The following MRAP2 variants were observed in gnomAD, a reference collection of about 807,000 sequenced individuals.
MRAP2 encodes the protein melanocortin 2 receptor accessory protein 2.
In MRAP2, 20 loss-of-function variants were observed where a neutral mutation model predicts 17.4. The observed-to-expected ratio is 1.15, with a 90% CI of 0.81 to 1.67. The LOEUF is 1.67. Among genes scored for constraint, MRAP2 ranks in the 40% most tolerant of loss-of-function variants. The pLI, the probability that MRAP2 is intolerant of heterozygous loss-of-function variation, is 0.00. For missense variants in MRAP2, 238 were observed against 240.0 expected (o/e 0.99, Z 0.05); for synonymous variants, 96 against 88.4 (o/e 1.09, Z -0.48).
chr6:84,096,947 A>C, the MRAP2 span, among the ~76,000 whole-genome samples: 1 of 152,204 alleles, frequency 6.6e-6, no homozygotes, highest in Non-Finnish European at 1.5e-5. Flanking sequence ...TACAAACAAT[A>C]ACAGGTGACA....
the MRAP2 span, among the ~76,000 whole-genome samples, chr6:84,098,767 C>T: frequency 6.6e-6 from 1 of 152,032 alleles, no homozygotes; most frequent in African/African-American, 2.4e-5. Context: ...AGCAAAGTGC[C>T]TTTCAAGTCT....
the MRAP2 span, among the ~76,000 whole-genome samples, chr6:84,135,620 T>G: frequency 6.6e-6 from 1 of 152,138 alleles, no homozygotes; most frequent in African/African-American, 2.4e-5. Flanking sequence ...CCCAGCTCTT[T>G]GGGAGGCTGA....
the MRAP2 span, among the ~76,000 whole-genome samples, chr6:84,119,090 A>G: frequency 9.9e-5 from 15 of 152,104 alleles, no homozygotes; most frequent in African/African-American, 3.6e-4. Flanking sequence ...GTACTTTTGT[A>G]GTATATTTTG....
chr6:84,135,795 A>G, the MRAP2 span, among the ~76,000 whole-genome samples: 1 of 152,188 alleles, frequency 6.6e-6, no homozygotes, highest in African/African-American at 2.4e-5. Flanking sequence ...TGAGGGAGGC[A>G]GAGGTTGCTG....
Position 84,044,442 on chromosome 6 carries a change from C to T in MRAP2, c.-8+10559C>T, listed in dbSNP as rs2099488458. Among the ~76,000 whole-genome samples the T allele has an allele frequency of 3.3e-5, 5 of 152,374 alleles. No individual in the cohort carries two copies. In the South Asian group the frequency reaches 1.0e-3, roughly 32 times the overall value. On this transcript the variant is annotated intron_variant, in intron 1 of 3. Transcript: ENST00000257776. ...CCTCAGGTGATCCACCTGCTTTGGC[C>T]TCCCAAAGGAATTTATTTTCTCACA... is the stretch of plus-strand genomic sequence containing the variant.
chr6:84,098,850 T>C, the MRAP2 span, among the ~76,000 whole-genome samples: 13 of 152,300 alleles, frequency 8.5e-5, no homozygotes, highest in Admixed American at 7.8e-4. Context: ...TAAATATAAG[T>C]TATTTATCAG....
At chr6:84,128,077 G>T in the MRAP2 span, among the ~76,000 whole-genome samples, 4 of 152,142 alleles carry the variant, frequency 2.6e-5, no homozygotes, top group African/African-American at 9.6e-5. Flanking sequence ...TTTTGTCTTT[G>T]TTCACCTCAC....
chr6:84,083,363 A>G (rs2099499492), intron 3 of MRAP2, among the ~76,000 whole-genome samples: 2 of 152,216 alleles, frequency 1.3e-5, no homozygotes, highest in South Asian at 4.1e-4. Context: ...CCTTTTGATC[A>G]TTTTTATAGC....
At chr6:84,060,459 G>A (rs1369948298) in intron 2 of MRAP2, among the ~76,000 whole-genome samples, 2 of 152,150 alleles carry the variant, frequency 1.3e-5, no homozygotes, top group Non-Finnish European at 2.9e-5. Flanking sequence ...ACACAGATTT[G>A]AAAAATGTCA....
chr6:84,062,460 C>T, intron 2 of MRAP2: 2 of 862,540 alleles, frequency 2.3e-6, no homozygotes, highest in South Asian at 5.3e-5. Context: ...ATTTTGTTTT[C>T]CTTGCACAGT....
In MRAP2 at chr6:84,033,787, G is replaced by C. The variant is rs988566636; in HGVS notation, c.-104G>C. On this transcript the variant is annotated 5_prime_UTR_variant, in exon 1 of 4. Transcript: ENST00000257776. ...TCTAGGAGCTACTCGCCCGGCCCTG[G>C]GCGGTGGGAGGCGGCGGCGGCGGCG... 1.0e-6 allele frequency: 1 copy of C among 986,912 alleles called. No individual in the cohort carries two copies. The highest frequency in any genetic ancestry group is 6.2e-5 in the Admixed American group (1 of 16,222). The allele number at this position is 986,912 out of a possible 1,614,324, so 61.1% of individuals were successfully genotyped here.
chr6:84,080,300 T>C (rs2099498651), intron 3 of MRAP2, among the ~76,000 whole-genome samples: 1 of 152,000 alleles, frequency 6.6e-6, no homozygotes, highest in African/African-American at 2.4e-5. Context: ...CCTCCCAAAG[T>C]GCTGGGATTA....
At chr6:84,046,917 G>A (rs2099489196) in intron 1 of MRAP2, among the ~76,000 whole-genome samples, 1 of 151,778 alleles carries the variant, frequency 6.6e-6, no homozygotes, top group African/African-American at 2.4e-5. Context: ...GTCAGGGGTT[G>A]AAAGGGATGA....
intron 1 of MRAP2, 35 bp downstream of exon 1, chr6:84,033,918 G>A: frequency 1.0e-6 from 1 of 986,106 alleles, no homozygotes; most frequent in Non-Finnish European, 1.2e-6. Context: ...CCAGGGCGGA[G>A]CAAAGCCCGG....
At chr6:84,099,243 T>C in the MRAP2 span, among the ~76,000 whole-genome samples, 1 of 151,658 alleles carries the variant, frequency 6.6e-6, no homozygotes, top group Admixed American at 6.6e-5. Context: ...TGAAAAGATC[T>C]TTTCTCCAGT....
chr6:84,058,047 G>A (rs1160669371), intron 2 of MRAP2, among the ~76,000 whole-genome samples: 1 of 152,170 alleles, frequency 6.6e-6, no homozygotes, highest in Non-Finnish European at 1.5e-5. Flanking sequence ...AAGTCAAAGA[G>A]GCTGTGGGGA....
chr6:84,063,095 G>C (rs563795689), intron 3 of MRAP2, 103 bp downstream of exon 3: 3 of 1,553,398 alleles, frequency 1.9e-6, no homozygotes, highest in South Asian at 1.2e-5. Context: ...ATGAAGAGAA[G>C]GGGGTGGTTA....
intron 3 of MRAP2, 131 bp from the exon 4 acceptor site, chr6:84,088,960 C>T: frequency 1.1e-6 from 1 of 930,484 alleles, no homozygotes; most frequent in South Asian, 1.8e-5. Context: ...TGTCTGCATG[C>T]CATGCAAGGG....
At chr6:84,062,388 C>A in intron 2 of MRAP2, 1 of 342,382 alleles carries the variant, frequency 2.9e-6, no homozygotes, top group Non-Finnish European at 4.1e-6. Context: ...TCTTAACCAA[C>A]CATGAGGCAG....
Sources: allele counts gnomAD v4.1 joint callset (sites outside exome capture counted in the v4.1 genomes callset), GRCh38; gene constraint gnomAD v4.1.1; transcripts MANE v1.5; gene names NCBI Gene and HGNC (gene_info 2026-07-23, HGNC 2026-07-21).